ARAP2: variants seen among roughly 807,000 people sequenced by gnomAD.
ARAP2 encodes ArfGAP with RhoGAP domain, ankyrin repeat and PH domain 2.
In ARAP2, 148 loss-of-function variants were observed where a neutral mutation model predicts 194.5. The observed-to-expected ratio is 0.76, with a 90% confidence interval of 0.67 to 0.87. The LOEUF is 0.87. Among genes scored for constraint, ARAP2 ranks in the 40% least tolerant of loss-of-function variants. The probability of loss-of-function intolerance (pLI) is 0.00; values close to 1 mark genes in which losing one functional copy is unlikely to be tolerated. For synonymous variants in ARAP2, 695 were observed against 683.5 expected, an observed-to-expected ratio of 1.02 and a Z score of -0.26; for missense variants, 2,128 against 1,989.7, an observed-to-expected ratio of 1.07 and a Z score of -1.32.
chr4:36,220,132 C>T (rs923124131), intron 2 of ARAP2, among the ~76,000 whole-genome samples: 3 of 152,072 alleles, frequency 2.0e-5, no homozygotes, highest in Non-Finnish European at 2.9e-5. Context: ...AAATTTTGTA[C>T]GTCTTTGGTA....
intron 6 of ARAP2, among the ~76,000 whole-genome samples, chr4:36,018,814 C>T (rs6839195): frequency 0.14 from 21,185 of 152,140 alleles, 1,868 homozygotes; most frequent in African/African-American, 0.25. Flanking sequence ...CAACTTTTAG[C>T]ATGTACTCTG....
At chr4:36,179,904 C>G (rs1381094436) in intron 8 of ARAP2, among the ~76,000 whole-genome samples, 1 of 152,188 alleles carries the variant, frequency 6.6e-6, no homozygotes, top group Non-Finnish European at 1.5e-5. Flanking sequence ...TGTCTTTAAT[C>G]ACCAAAGTCA....
At chr4:36,009,893 G>A (rs984901810) in intron 9 of ARAP2, among the ~76,000 whole-genome samples, 1 of 117,160 alleles carries the variant, frequency 8.5e-6, no homozygotes, top group Non-Finnish European at 1.8e-5. Flanking sequence ...CGGGGGGTAG[G>A]GGGGTGGAAT....
chr4:36,150,870 T>C, intron 16 of ARAP2, 30 bp downstream of exon 16: 1 of 1,592,428 alleles, frequency 6.3e-7, no homozygotes, highest in Non-Finnish European at 8.5e-7. Context: ...AAATACCTTT[T>C]ACCTCCTAAT....
At chr4:36,239,030 C>T (rs950015863) in intron 1 of ARAP2, among the ~76,000 whole-genome samples, 6 of 152,094 alleles carry the variant, frequency 3.9e-5, no homozygotes, top group Non-Finnish European at 2.9e-5. Flanking sequence ...TCCCCATACA[C>T]TTTGGGAGGC....
At chr4:36,163,677 T>C (rs191073281) in intron 11 of ARAP2, among the ~76,000 whole-genome samples, 2 of 151,586 alleles carry the variant, frequency 1.3e-5, no homozygotes, top group East Asian at 3.9e-4. Context: ...GTTTATACAA[T>C]GAAACAAAAG....
intron 2 of ARAP2, among the ~76,000 whole-genome samples, chr4:36,218,705 G>A (rs1372563094): frequency 6.6e-6 from 1 of 152,102 alleles, no homozygotes; most frequent in Non-Finnish European, 1.5e-5. Flanking sequence ...CTAAAGGAAA[G>A]TGCACATAAA....
intron 22 of ARAP2, among the ~76,000 whole-genome samples, chr4:36,121,949 GAAGGAGTC>G (rs1328605826): frequency 6.6e-6 from 1 of 151,560 alleles, no homozygotes; most frequent in African/African-American, 2.4e-5. Context: ...AGAAATGAAC[GAAGGAGTC>G]AACTCTTTCA....
chr4:36,131,012 T>C (rs1000428999), intron 20 of ARAP2, among the ~76,000 whole-genome samples: 3 of 151,890 alleles, frequency 2.0e-5, no homozygotes, highest in Non-Finnish European at 2.9e-5. Context: ...AGAGTCATAC[T>C]ATGAACTCAG....
chr4:36,241,678 A>T (rs1753534121), intron 1 of ARAP2, among the ~76,000 whole-genome samples: 1 of 152,258 alleles, frequency 6.6e-6, no homozygotes, highest in Non-Finnish European at 1.5e-5. Context: ...GACACCACAA[A>T]AAAACAACTT....
chr4:36,062,633 AGTGTGTGTGTGT>A (rs10641822), downstream of ARAP2, among the ~76,000 whole-genome samples: 25 of 148,170 alleles, frequency 1.7e-4, no homozygotes, highest in African/African-American at 5.2e-4. Context: ...TTTGTGTGAG[AGTGTGTGTGTGT>A]GTGTGTGTGT....
chr4:36,238,382 C>T (rs548034614), intron 1 of ARAP2, among the ~76,000 whole-genome samples: 22 of 152,232 alleles, frequency 1.4e-4, no homozygotes, highest in Non-Finnish European at 2.6e-4. Context: ...GAAAATCCGA[C>T]GCTGAATGTC....
At chr4:36,182,174 C>T (rs1262482224) in intron 8 of ARAP2, among the ~76,000 whole-genome samples, 4 of 152,108 alleles carry the variant, frequency 2.6e-5, no homozygotes, top group Admixed American at 6.6e-5. Context: ...TTTTGGACCT[C>T]ACAAGTACTT....
chr4:36,180,820 C>G (rs1739064964), intron 8 of ARAP2, among the ~76,000 whole-genome samples: 2 of 152,190 alleles, frequency 1.3e-5, no homozygotes, highest in South Asian at 4.1e-4. Flanking sequence ...GACTCAGTTA[C>G]TAATAGGAAG....
intron 16 of ARAP2, among the ~76,000 whole-genome samples, chr4:36,150,654 T>A (rs1018390833): frequency 1.7e-4 from 26 of 151,350 alleles, no homozygotes; most frequent in Admixed American, 5.3e-4. Context: ...AAAAAAAAAA[T>A]TTACATAAGA....
intron 9 of ARAP2, among the ~76,000 whole-genome samples, chr4:36,007,686 C>T (rs17514243): frequency 0.27 from 40,677 of 151,998 alleles, 5,401 homozygotes; most frequent in South Asian, 0.32. Context: ...TATTTCAATA[C>T]GCCCATAAAT....
At position 36,193,492 on chromosome 4, in the gene ARAP2, CCTATT is replaced by C. The variant is rs1012271868; in HGVS notation, c.1557+81_1557+85del. 6 of 724,798 alleles carry C rather than the reference CCTATT, an allele frequency of 8.3e-6. No individual in the cohort carries two copies. The African/African-American group carries it at 9.0e-5, about 11-fold the overall frequency. 44.9% of individuals were successfully genotyped at this position (724,798 alleles called of 1,614,324 possible). A position where few individuals can be genotyped will look rare whatever the true frequency, so the allele number is the denominator to read the frequency against. ...TTCTTTTCATGTTGAGAATCTACCT[CCTATT>C]CTTAAAAACCAAACTGCTTGCTTAT... On this transcript the variant is annotated intron_variant, in intron 7 of 32. Coordinates refer to ENST00000303965, the MANE Select transcript of ARAP2 (RefSeq NM_015230.4).
intron 5 of ARAP2, among the ~76,000 whole-genome samples, chr4:36,022,795 G>T (rs1488624158): frequency 6.6e-6 from 1 of 152,124 alleles, no homozygotes; most frequent in East Asian, 1.9e-4. Context: ...ATTTCATTTT[G>T]ATCAGTGAAC....
intron 6 of ARAP2, among the ~76,000 whole-genome samples, chr4:36,016,299 G>A (rs1047881290): frequency 6.6e-6 from 1 of 152,016 alleles, no homozygotes; most frequent in Admixed American, 6.6e-5. Flanking sequence ...AAAATATACT[G>A]GGAAAAATGC....
Sources: allele counts gnomAD v4.1 joint callset (sites outside exome capture counted in the v4.1 genomes callset), GRCh38; gene constraint gnomAD v4.1.1; transcripts MANE v1.5; gene names NCBI Gene and HGNC (gene_info 2026-07-23, HGNC 2026-07-21).